Variants in SCYL2 observed in about 807,000 individuals in gnomAD.
SCYL2 encodes the protein SCY1 like pseudokinase 2, also known as SCY1-like protein 2.
A neutral mutation model predicts 100.4 loss-of-function variants in SCYL2; 36 were observed. The observed-to-expected ratio is 0.36, with a 90% CI of 0.27 to 0.47. The LOEUF (loss-of-function observed/expected upper bound fraction) is 0.47, where lower values mean the gene tolerates loss of function less well. Among genes scored for constraint, SCYL2 ranks in the 20% least tolerant of loss-of-function variants. The probability of loss-of-function intolerance (pLI) is 1.00; values close to 1 mark genes in which losing one functional copy is unlikely to be tolerated. For synonymous variants in SCYL2, 330 were observed against 359.2 expected (o/e 0.92, Z 0.92); for missense variants, 902 against 1,083.9 (o/e 0.83, Z 2.36).
intron 2 of SCYL2, 105 bp downstream of exon 2, chr12:100,283,252 G>A: frequency 2.3e-6 from 2 of 888,606 alleles, no homozygotes; most frequent in Admixed American, 2.7e-5. Flanking sequence ...TCTTTAATAG[G>A]TTCTTAAATG....
At chr12:100,319,035 A>G (rs1187016093) in intron 10 of SCYL2, among the ~76,000 whole-genome samples, 2 of 152,222 alleles carry the variant, frequency 1.3e-5, no homozygotes, top group Admixed American at 1.3e-4. Flanking sequence ...GTAAAAGCTT[A>G]TAGTCTCTGC....
chr12:100,325,086 G>A (rs534687929), intron 11 of SCYL2, among the ~76,000 whole-genome samples: 1 of 152,204 alleles, frequency 6.6e-6, no homozygotes, highest in African/African-American at 2.4e-5. Flanking sequence ...AAATTTAGCT[G>A]GATGTGGTGG....
chr12:100,277,041 G>A (rs2135808484), intron 1 of SCYL2, among the ~76,000 whole-genome samples: 1 of 152,002 alleles, frequency 6.6e-6, no homozygotes, highest in South Asian at 2.1e-4. Flanking sequence ...TATATTTGCA[G>A]TTTTTCTATA....
At position 100,338,422 on chromosome 12, in the gene SCYL2, G is replaced by A. The variant is rs1952307836; in HGVS notation, c.2146-106G>A. ...GTTTGCTAATTTGGTGTAGACCATTGAGCTTAATTCTAACTTGTCCTTTAT... is the reference window on the plus strand; with the variant it reads ...GTTTGCTAATTTGGTGTAGACCATTAAGCTTAATTCTAACTTGTCCTTTAT... On this transcript the variant is annotated intron_variant, in intron 17 of 17. Transcript: ENST00000360820. 13 of 1,008,200 alleles carry A rather than the reference G, an allele frequency of 1.3e-5. No individual in the cohort carries two copies. In the South Asian group the frequency reaches 2.2e-4, roughly 17 times the overall value. 62.5% of individuals were successfully genotyped at this position (1,008,200 alleles called of 1,614,324 possible).
chr12:100,329,399 ATTGGTT>A, intron 13 of SCYL2, 80 bp downstream of exon 13: 1 of 665,086 alleles, frequency 1.5e-6, no homozygotes, highest in African/African-American at 1.8e-5. Context: ...TATTACAAAG[ATTGGTT>A]AAAAAAAAAA....
intron 1 of SCYL2, among the ~76,000 whole-genome samples, chr12:100,275,433 C>G (rs1304970651): frequency 2.0e-5 from 3 of 152,158 alleles, no homozygotes; most frequent in Non-Finnish European, 4.4e-5. Context: ...TGTACTCAAG[C>G]AATCCTTCCA....
At chr12:100,304,764 G>A (rs535276722) in intron 4 of SCYL2, among the ~76,000 whole-genome samples, 9 of 152,052 alleles carry the variant, frequency 5.9e-5, no homozygotes, top group East Asian at 1.9e-4. Context: ...CTCATCTCAC[G>A]TGCAAAGACA....
intron 3 of SCYL2, among the ~76,000 whole-genome samples, chr12:100,295,009 C>A (rs555395884): frequency 0.035 from 5,299 of 151,628 alleles, 87 homozygotes; most frequent in Non-Finnish European, 0.049. Context: ...ACGCTCCTCA[C>A]CTCCCAGACG....
At chr12:100,311,469 A>T (rs2096342080) in intron 5 of SCYL2, among the ~76,000 whole-genome samples, 1 of 152,136 alleles carries the variant, frequency 6.6e-6, no homozygotes, top group African/African-American at 2.4e-5. Context: ...ATGCAATAAC[A>T]CATGTGACTC....
chr12:100,320,702 G>C (rs888857108), intron 10 of SCYL2, among the ~76,000 whole-genome samples: 3 of 152,076 alleles, frequency 2.0e-5, no homozygotes, highest in Non-Finnish European at 4.4e-5. Flanking sequence ...CTATGACTTT[G>C]ATTGGACAGC....
chr12:100,311,283 G>C lies in SCYL2; in HGVS notation c.630+90G>C. The C allele has an allele frequency of 2.3e-6, 3 of 1,315,732 alleles. 1 individual carries two copies. In the South Asian group the frequency reaches 5.4e-5, roughly 24 times the overall value. 81.5% of individuals were successfully genotyped at this position (1,315,732 alleles called of 1,614,324 possible). A position where few individuals can be genotyped will look rare whatever the true frequency, so the allele number is the denominator to read the frequency against. On this transcript the variant is annotated intron_variant, in intron 5 of 17. Coordinates refer to ENST00000360820, the MANE Select transcript of SCYL2 (RefSeq NM_017988.6). ...CTAGAAATAGGCTATGTGGTACAGT[G>C]GTATGTTTAGATATACAGCTTTATA...
intron 1 of SCYL2, among the ~76,000 whole-genome samples, chr12:100,270,001 T>G (rs570759808): frequency 2.3e-4 from 35 of 152,010 alleles, no homozygotes; most frequent in African/African-American, 5.3e-4. Flanking sequence ...TTTTTTTTTT[T>G]TGTGAGACGG....
intron 1 of SCYL2, among the ~76,000 whole-genome samples, chr12:100,280,428 G>A (rs1035528071): frequency 1.3e-5 from 2 of 152,144 alleles, no homozygotes; most frequent in African/African-American, 2.4e-5. Flanking sequence ...CCTGACTCCA[G>A]ATTAGGAACT....
intron 10 of SCYL2, among the ~76,000 whole-genome samples, chr12:100,319,072 AT>A (rs1367089249): frequency 3.9e-5 from 6 of 152,322 alleles, no homozygotes; most frequent in South Asian, 4.2e-4. Flanking sequence ...ATAAAATAGG[AT>A]TTTTTTAAGT....
intron 2 of SCYL2, among the ~76,000 whole-genome samples, chr12:100,287,230 A>G (rs947463207): frequency 2.6e-5 from 4 of 152,224 alleles, no homozygotes; most frequent in Non-Finnish European, 4.4e-5. Flanking sequence ...CTTGTTATCA[A>G]CAGAGCTCAA....
rs548843835 is a variant in SCYL2 at position 100,269,987 on chromosome 12, C to CT, written c.-29+2210dup. On this transcript the variant is annotated intron_variant, in intron 1 of 17. Coordinates refer to ENST00000360820, the MANE Select transcript of SCYL2 (RefSeq NM_017988.6). ...CATACATTGTATTTGAGATTTTATA[C>CT]TTTTTTTTTTTTTTTGTGAGACGGA... 5.3e-3 allele frequency among the ~76,000 whole-genome samples: 757 copies of CT among 142,974 alleles called. 3 individuals carry two copies. Among genetic ancestry groups the CT allele is most frequent in the African/African-American group, 0.01 (409 of 39,202 alleles). 93.8% of individuals were successfully genotyped at this position (142,974 alleles called of 152,430 possible).
At chr12:100,327,702 G>C (rs985617103) in intron 12 of SCYL2, among the ~76,000 whole-genome samples, 4 of 152,144 alleles carry the variant, frequency 2.6e-5, no homozygotes, top group Admixed American at 2.6e-4. Flanking sequence ...TTTTTGTAGA[G>C]ACAGGGTTTC....
chr12:100,274,043 A>G (rs2096290186), intron 1 of SCYL2, among the ~76,000 whole-genome samples: 1 of 152,218 alleles, frequency 6.6e-6, no homozygotes, highest in African/African-American at 2.4e-5. Context: ...ATGTTTTCAT[A>G]ATGCCAGTAG....
chr12:100,291,339 A>G (rs1319510238), intron 2 of SCYL2, among the ~76,000 whole-genome samples, 164 bp from the exon 3 acceptor site: 4 of 152,166 alleles, frequency 2.6e-5, no homozygotes, highest in East Asian at 3.8e-4. Flanking sequence ...ACCTTTTAAA[A>G]TGTTTAGATT....
Sources: gnomAD v4.1 joint callset for allele counts (sites outside exome capture counted in the v4.1 genomes callset) on GRCh38, gnomAD v4.1.1 for gene constraint, MANE v1.5 for transcripts, NCBI Gene and HGNC (gene_info 2026-07-23, HGNC 2026-07-21) for gene names.